CHST9: variants seen among roughly 807,000 people sequenced by gnomAD.
The protein encoded by CHST9 is GalNAc-4-sulfotransferase 2.
In CHST9, 41 loss-of-function variants were observed where a neutral mutation model predicts 44.4. That is an observed-to-expected ratio of 0.92 (90% CI 0.72 to 1.20). CHST9 has a LOEUF of 1.20. Ranked by LOEUF, CHST9 falls within the 50% of genes most tolerant of loss-of-function variation. The pLI is 0.00. For missense variants in CHST9, 504 were observed against 516.5 expected (o/e 0.98, Z 0.23); for synonymous variants, 171 against 178.4 (o/e 0.96, Z 0.33).
Position 27,162,598 on chromosome 18 carries a change from C to T in CHST9, c.-96-19693G>A, listed in dbSNP as rs11874231. Among the ~76,000 whole-genome samples, 823 of 152,276 alleles carry T rather than the reference C, an allele frequency of 5.4e-3. 10 individuals carry two copies. Among genetic ancestry groups the T allele is most frequent in the African/African-American group, 0.019 (782 of 41,556 alleles). On this transcript the variant is annotated intron_variant, in intron 1 of 5. Coordinates refer to ENST00000618847, the MANE Select transcript of CHST9 (RefSeq NM_031422.6). ...GACAATTATGTGTCTTGGAGTTGCT[C>T]TTCTCGAGGAGTATCTTTGTGGCGT...
intron 4 of CHST9, among the ~76,000 whole-genome samples, chr18:26,979,909 T>G (rs1239607216): frequency 2.6e-5 from 4 of 152,210 alleles, no homozygotes; most frequent in African/African-American, 4.8e-5. Flanking sequence ...TTAAACGTAT[T>G]TTTTCTGTGT....
chr18:26,988,391 A>G (rs2056778318), intron 4 of CHST9, among the ~76,000 whole-genome samples: 1 of 152,206 alleles, frequency 6.6e-6, no homozygotes, highest in Admixed American at 6.5e-5. Flanking sequence ...AGAAAGCTAG[A>G]GTTTCTATAT....
In CHST9 at chr18:27,166,643, T is replaced by C. The variant is rs542328739; in HGVS notation, c.-97+18493A>G. ...ATCTATCTCTAGACAGTCTCTTCAG[T>C]TCAACAGAAATAATGGTGCTTCATT... On this transcript the variant is annotated intron_variant, in intron 1 of 5. Transcript: ENST00000618847. 7.6e-4 allele frequency among the ~76,000 whole-genome samples: 116 copies of C among 152,334 alleles called. 1 individual carries two copies. The highest frequency in any genetic ancestry group is 2.6e-3 in the African/African-American group (108 of 41,570).
rs778719992 is a variant in CHST9, at chr18:26,916,358, T to A, written c.1233A>T (p.Arg411Ser). The A allele has an allele frequency of 5.0e-6, 8 of 1,613,528 alleles. No homozygotes were observed. Among genetic ancestry groups the A allele is most frequent in the South Asian group, 1.1e-5 (1 of 91,070 alleles). The change falls in exon 6 of 6, where the codon AGA (arginine) becomes AGT (serine). Residue 411 changes from arginine to serine, a missense_variant. Physicochemically the swap from Arg to Ser is moderately radical, Grantham distance 110. Transcript: ENST00000618847. ...TTCTAGTCAGATCCTTTAAATACTG[T>A]CTCACGACTTGAGCATTGGTTCTTT... Reference protein sequence around the residue: ...SDERTNAQVVRQYLKDLTRTE... With the variant: ...SDERTNAQVVSQYLKDLTRTE...
chr18:26,941,388 TTTAA>T (rs1161482994), intron 5 of CHST9, among the ~76,000 whole-genome samples: 1 of 152,182 alleles, frequency 6.6e-6, no homozygotes, highest in African/African-American at 2.4e-5. Flanking sequence ...CATAAAAGGT[TTTAA>T]TTGTCTTTTA....
intron 3 of CHST9, among the ~76,000 whole-genome samples, chr18:27,029,875 CT>C (rs1453462455): frequency 6.6e-6 from 1 of 152,122 alleles, no homozygotes; most frequent in African/African-American, 2.4e-5. Context: ...CATCATCCAC[CT>C]TTTTCTAATC....
At chr18:27,073,851 T>C (rs934458274) in intron 2 of CHST9, among the ~76,000 whole-genome samples, 3 of 152,138 alleles carry the variant, frequency 2.0e-5, no homozygotes, top group Non-Finnish European at 4.4e-5. Context: ...GTCACAAATA[T>C]ATATATTATA....
intron 4 of CHST9, among the ~76,000 whole-genome samples, chr18:26,972,626 G>A (rs1337814515): frequency 2.0e-5 from 3 of 152,138 alleles, no homozygotes; most frequent in Non-Finnish European, 4.4e-5. Context: ...ATGGTACAAG[G>A]AGCCGTGTCA....
At chr18:26,959,782 T>C (rs904487385) in intron 4 of CHST9, among the ~76,000 whole-genome samples, 2 of 152,142 alleles carry the variant, frequency 1.3e-5, no homozygotes, top group African/African-American at 4.8e-5. Context: ...TTTTTTGACA[T>C]AATATTTGTT....
chr18:27,122,704 G>A (rs1303013036), intron 2 of CHST9, among the ~76,000 whole-genome samples: 1 of 152,156 alleles, frequency 6.6e-6, no homozygotes, highest in Non-Finnish European at 1.5e-5. Context: ...TGATGCATGT[G>A]GAAGCAAAAG....
At chr18:27,163,330 TC>T (rs2058763723) in intron 1 of CHST9, among the ~76,000 whole-genome samples, 1 of 152,194 alleles carries the variant, frequency 6.6e-6, no homozygotes, top group Non-Finnish European at 1.5e-5. Context: ...ACCGCTACTC[TC>T]TTCAAGGCTG....
chr18:27,133,005 G>A (rs2143840793), intron 2 of CHST9, among the ~76,000 whole-genome samples: 1 of 152,262 alleles, frequency 6.6e-6, no homozygotes, highest in African/African-American at 2.4e-5. Context: ...TATATTCCAA[G>A]TCTCAAAAGC....
At chr18:27,161,937 C>CT (rs1272182178) in intron 1 of CHST9, among the ~76,000 whole-genome samples, 2 of 151,376 alleles carry the variant, frequency 1.3e-5, no homozygotes, top group African/African-American at 4.9e-5. Flanking sequence ...CAACCCCTGC[C>CT]TTTTTTTGTT....
chr18:27,075,574 T>C (rs913358124), intron 2 of CHST9, among the ~76,000 whole-genome samples: 8 of 152,234 alleles, frequency 5.3e-5, no homozygotes, highest in African/African-American at 1.4e-4. Context: ...ACACAGTTTA[T>C]TGGATCATAA....
At chr18:27,180,618 G>C (rs1322117039) in intron 1 of CHST9, among the ~76,000 whole-genome samples, 1 of 152,132 alleles carries the variant, frequency 6.6e-6, no homozygotes, top group African/African-American at 2.4e-5. Context: ...AACTTTCTAA[G>C]AGGTAGCTGG....
chr18:27,166,242 A>C (rs1198148419), intron 1 of CHST9, among the ~76,000 whole-genome samples: 1 of 152,130 alleles, frequency 6.6e-6, no homozygotes. Context: ...TTTCATTTGT[A>C]TATTCCACCA....
chr18:27,058,379 A>G (rs2057682450), intron 2 of CHST9, among the ~76,000 whole-genome samples: 2 of 152,202 alleles, frequency 1.3e-5, no homozygotes, highest in South Asian at 4.1e-4. Context: ...CTCCTGTGCT[A>G]GAAAAAAATG....
chr18:27,017,509 T>A (rs1211866529), intron 4 of CHST9, among the ~76,000 whole-genome samples: 2 of 152,190 alleles, frequency 1.3e-5, no homozygotes, highest in Non-Finnish European at 2.9e-5. Flanking sequence ...AAGTACATGC[T>A]GTGTGATTCC....
chr18:26,929,870 C>T (rs2145083119), intron 5 of CHST9, among the ~76,000 whole-genome samples: 1 of 152,286 alleles, frequency 6.6e-6, no homozygotes, highest in East Asian at 1.9e-4. Context: ...GTAAGTGACA[C>T]TCCTTTTCCA....
Sources: allele counts gnomAD v4.1 joint callset (sites outside exome capture counted in the v4.1 genomes callset), GRCh38; gene constraint gnomAD v4.1.1; transcripts MANE v1.5; gene names NCBI Gene and HGNC (gene_info 2026-07-23, HGNC 2026-07-21).